SEMA3D: variants seen among roughly 807,000 people sequenced by gnomAD.
SEMA3D encodes semaphorin 3D, also known as semaphorin-3D.
In SEMA3D, 84 loss-of-function variants were observed where a neutral mutation model predicts 100.1. That is an observed-to-expected ratio of 0.84 (90% CI 0.70 to 1.01). The LOEUF (loss-of-function observed/expected upper bound fraction) is 1.01, where lower values mean the gene tolerates loss of function less well. SEMA3D is among the 50% of genes least tolerant of loss of function. The probability of loss-of-function intolerance (pLI) is 0.00; values close to 1 mark genes in which losing one functional copy is unlikely to be tolerated. For missense variants in SEMA3D, 875 were observed against 934.1 expected (o/e 0.94, Z 0.82); for synonymous variants, 312 against 320.7 (o/e 0.97, Z 0.29).
At chr7:85,128,005 T>C (rs978229087) in intron 2 of SEMA3D, among the ~76,000 whole-genome samples, 1 of 151,858 alleles carries the variant, frequency 6.6e-6, no homozygotes, top group African/African-American at 2.4e-5. Context: ...TCAAATATTC[T>C]GATATGTGCC....
chr7:85,217,731 TTA>T, the SEMA3D span, among the ~76,000 whole-genome samples: 1 of 152,120 alleles, frequency 6.6e-6, no homozygotes, highest in African/African-American at 2.4e-5. Context: ...ATGAAGCCCA[TTA>T]TGACTCTACC....
intron 18 of SEMA3D, among the ~76,000 whole-genome samples, chr7:85,003,211 A>C (rs553958188): frequency 1.3e-5 from 2 of 152,116 alleles, no homozygotes; most frequent in African/African-American, 2.4e-5. Flanking sequence ...AATTTATCAG[A>C]GTTTACTTAC....
intron 9 of SEMA3D, among the ~76,000 whole-genome samples, chr7:85,043,940 C>T (rs2116004652): frequency 6.6e-6 from 1 of 152,192 alleles, no homozygotes; most frequent in African/African-American, 2.4e-5. Context: ...CAGACTAATA[C>T]ACCTGTGAAC....
chr7:85,094,444 A>G (rs1788489194), intron 4 of SEMA3D, among the ~76,000 whole-genome samples: 1 of 151,978 alleles, frequency 6.6e-6, no homozygotes, highest in Non-Finnish European at 1.5e-5. Flanking sequence ...TATTTGCCAC[A>G]TTATCAGCTT....
intron 18 of SEMA3D, among the ~76,000 whole-genome samples, chr7:85,003,278 G>A (rs1478284536): frequency 6.6e-6 from 1 of 151,942 alleles, no homozygotes; most frequent in Non-Finnish European, 1.5e-5. Flanking sequence ...AATATTTTAA[G>A]TAAACATTAG....
the SEMA3D span, among the ~76,000 whole-genome samples, chr7:85,224,059 T>G: frequency 6.6e-6 from 1 of 152,078 alleles, no homozygotes; most frequent in East Asian, 1.9e-4. Flanking sequence ...AATTTTCAAA[T>G]GAAAAAAATT....
the SEMA3D span, among the ~76,000 whole-genome samples, chr7:85,227,642 G>A: frequency 2.6e-5 from 4 of 152,046 alleles, no homozygotes; most frequent in African/African-American, 9.7e-5. Flanking sequence ...TTGAAAACAT[G>A]CATGACAAAT....
intron 12 of SEMA3D, among the ~76,000 whole-genome samples, chr7:85,025,961 G>T (rs1386439334): frequency 6.6e-6 from 1 of 151,984 alleles, no homozygotes; most frequent in Non-Finnish European, 1.5e-5. Context: ...ATAGTAAATA[G>T]CCTGGGATTT....
chr7:85,193,340 G>C, the SEMA3D span, among the ~76,000 whole-genome samples: 9 of 152,194 alleles, frequency 5.9e-5, no homozygotes, highest in East Asian at 1.7e-3. Flanking sequence ...ACATTTTTGT[G>C]AGCTTTACAT....
chr7:85,224,768 C>T, the SEMA3D span, among the ~76,000 whole-genome samples: 1 of 151,910 alleles, frequency 6.6e-6, no homozygotes, highest in Non-Finnish European at 1.5e-5. Context: ...GTTGGCAAAA[C>T]AGGCAGCCTT....
chr7:85,162,539 A>G (rs1790774667), intron 1 of SEMA3D, among the ~76,000 whole-genome samples: 1 of 152,138 alleles, frequency 6.6e-6, no homozygotes, highest in Non-Finnish European at 1.5e-5. Context: ...GTCATAGTTG[A>G]TTAAAATGCA....
At chr7:85,209,877 T>C in the SEMA3D span, among the ~76,000 whole-genome samples, 2 of 152,130 alleles carry the variant, frequency 1.3e-5, no homozygotes, top group East Asian at 3.8e-4. Flanking sequence ...TAGTCTTCAC[T>C]GCAGTTGTCA....
Position 85,160,259 on chromosome 7 carries a change from T to C in SEMA3D, c.-172-6520A>G, listed in dbSNP as rs1790711466. On this transcript the variant is annotated intron_variant, in intron 1 of 18. Coordinates refer to ENST00000284136, the MANE Select transcript of SEMA3D (RefSeq NM_001384900.1). ...GATATGGTTAAGAGATGGATGAACA[T>C]GCAGTCAGAATGACAGAGATTACTA... Among the ~76,000 whole-genome samples the C allele has an allele frequency of 1.3e-5, 2 of 151,868 alleles. 1 individual carries two copies. The highest frequency in any genetic ancestry group is 4.1e-4 in the South Asian group (2 of 4,832).
intron 6 of SEMA3D, among the ~76,000 whole-genome samples, chr7:85,072,009 T>C (rs1791787751): frequency 6.6e-6 from 1 of 152,216 alleles, no homozygotes; most frequent in East Asian, 1.9e-4. Flanking sequence ...AGTTGGGTGA[T>C]GTAGCATGTA....
At chr7:85,058,735 G>A (rs1280861520) in intron 8 of SEMA3D, among the ~76,000 whole-genome samples, 2 of 127,768 alleles carry the variant, frequency 1.6e-5, no homozygotes, top group Non-Finnish European at 3.2e-5. Flanking sequence ...GCGACAGAGC[G>A]AGACTCCACT....
At chr7:85,005,571 T>C (rs766866707) in intron 18 of SEMA3D, among the ~76,000 whole-genome samples, 3 of 152,088 alleles carry the variant, frequency 2.0e-5, no homozygotes, top group Non-Finnish European at 4.4e-5. Flanking sequence ...ATTAAATTCT[T>C]CATGTAACAG....
chr7:85,038,428 T>C (rs1367754946), intron 11 of SEMA3D, among the ~76,000 whole-genome samples: 1 of 152,178 alleles, frequency 6.6e-6, no homozygotes, highest in Non-Finnish European at 1.5e-5. Flanking sequence ...CTTAATGGCA[T>C]TGCCATTATT....
At chr7:85,104,818 C>T in intron 3 of SEMA3D, among the ~76,000 whole-genome samples, 1 of 151,782 alleles carries the variant, frequency 6.6e-6, no homozygotes, top group East Asian at 1.9e-4. Flanking sequence ...AAAAATGCTT[C>T]CCACATCCTT....
At chr7:85,078,135 A>G (rs1373664915) in intron 5 of SEMA3D, among the ~76,000 whole-genome samples, 1 of 152,230 alleles carries the variant, frequency 6.6e-6, no homozygotes, top group Non-Finnish European at 1.5e-5. Context: ...AAAAATAAAC[A>G]TCAAAATGTC....
Sources: allele counts gnomAD v4.1 joint callset (sites outside exome capture counted in the v4.1 genomes callset), GRCh38; gene constraint gnomAD v4.1.1; transcripts MANE v1.5; gene names NCBI Gene and HGNC (gene_info 2026-07-23, HGNC 2026-07-21).